Variants in GPHN observed in about 807,000 individuals in gnomAD.
GPHN encodes the protein gephyrin.
Under a neutral mutation model 95.5 loss-of-function variants are expected in GPHN, and 17 were observed. The observed-to-expected ratio is 0.18, with a 90% confidence interval of 0.12 to 0.27. GPHN has a LOEUF of 0.27. Ranked by LOEUF, GPHN falls within the 10% of genes least tolerant of loss-of-function variation. The probability of loss-of-function intolerance (pLI) is 1.00; values close to 1 mark genes in which losing one functional copy is unlikely to be tolerated. For synonymous variants in GPHN, 320 were observed against 322.5 expected (o/e 0.99, Z 0.08); for missense variants, 660 against 978.1 (o/e 0.67, Z 4.34).
chr14:66,547,962 T>C (rs2059661252), intron 1 of GPHN, among the ~76,000 whole-genome samples: 1 of 152,206 alleles, frequency 6.6e-6, no homozygotes, highest in Non-Finnish European at 1.5e-5. Flanking sequence ...ATACTTTGTT[T>C]TAGTTCACCT....
chr14:66,629,114 T>C (rs1335308897), intron 1 of GPHN, among the ~76,000 whole-genome samples: 4 of 136,854 alleles, frequency 2.9e-5, no homozygotes, highest in Non-Finnish European at 4.7e-5. Flanking sequence ...TTTATATACA[T>C]ATATAAATAT....
chr14:67,596,892 T>C, the GPHN span, among the ~76,000 whole-genome samples: 1 of 152,240 alleles, frequency 6.6e-6, no homozygotes, highest in Non-Finnish European at 1.5e-5. Context: ...AAGTCTATAC[T>C]GAAGTCTCTT....
intron 9 of GPHN, among the ~76,000 whole-genome samples, chr14:67,017,697 A>G (rs577668530): frequency 2.0e-3 from 298 of 152,204 alleles, no homozygotes; most frequent in African/African-American, 6.7e-3. Context: ...GAAAACTTTT[A>G]TTGGACTCCA....
At chr14:67,050,709 A>G (rs1051315203) in intron 10 of GPHN, among the ~76,000 whole-genome samples, 2 of 152,182 alleles carry the variant, frequency 1.3e-5, no homozygotes, top group Admixed American at 1.3e-4. Flanking sequence ...AAAAACAGCT[A>G]CGGTTGGAGG....
At chr14:67,338,741 C>T in the GPHN span, 1 of 1,612,834 alleles carries the variant, frequency 6.2e-7, no homozygotes, top group Non-Finnish European at 8.5e-7. Flanking sequence ...GAATCTTTTT[C>T]TTCTCTTGTA....
the GPHN span, among the ~76,000 whole-genome samples, chr14:67,336,901 T>C: frequency 6.6e-6 from 1 of 152,228 alleles, no homozygotes; most frequent in Non-Finnish European, 1.5e-5. Flanking sequence ...ACAGTCCCAA[T>C]GTCTTTAAAT....
the GPHN span, among the ~76,000 whole-genome samples, chr14:67,429,220 C>T: frequency 6.0e-5 from 9 of 149,552 alleles, no homozygotes; most frequent in Non-Finnish European, 1.3e-4. Context: ...GAGGCTGAGG[C>T]AAGTGGACAA....
At chr14:67,350,691 C>G in the GPHN span, 1 of 1,612,968 alleles carries the variant, frequency 6.2e-7, no homozygotes, top group South Asian at 1.1e-5. Context: ...ACATTTTAGT[C>G]TGGAAAAGCA....
intron 1 of GPHN, among the ~76,000 whole-genome samples, chr14:66,593,719 T>C (rs2061856825): frequency 6.6e-6 from 1 of 152,188 alleles, no homozygotes. Context: ...GTGAGTATTA[T>C]GCTCAGCACT....
At chr14:67,471,297 CT>C in the GPHN span, 5,422 of 152,340 alleles carry the variant, frequency 0.036, 101 homozygotes, top group Middle Eastern at 0.058. Context: ...CATCAACAAG[CT>C]GGCCACTGGA....
the GPHN span, chr14:67,278,892 A>G: frequency 9.5e-6 from 2 of 210,560 alleles, no homozygotes; most frequent in Non-Finnish European, 9.4e-6. Context: ...TACTTAATCT[A>G]CTTAACAAAA....
intron 4 of GPHN, among the ~76,000 whole-genome samples, chr14:66,829,464 C>T (rs1368058265): frequency 1.3e-5 from 2 of 151,970 alleles, no homozygotes; most frequent in Non-Finnish European, 1.5e-5. Context: ...TTATAAAGTT[C>T]CACAGATTAT....
intron 17 of GPHN, among the ~76,000 whole-genome samples, chr14:67,133,907 G>A (rs551070937): frequency 1.6e-4 from 25 of 152,234 alleles, no homozygotes; most frequent in African/African-American, 5.3e-4. Context: ...AAAAGATACC[G>A]TTATTCATTT....
At chr14:66,641,412 G>GTTAT (rs2064403293) in intron 1 of GPHN, among the ~76,000 whole-genome samples, 1 of 152,104 alleles carries the variant, frequency 6.6e-6, no homozygotes, top group Non-Finnish European at 1.5e-5. Flanking sequence ...GGTTTCTCAG[G>GTTAT]ATATAGCCTC....
At chr14:67,292,083 A>AC in the GPHN span, among the ~76,000 whole-genome samples, 1 of 152,208 alleles carries the variant, frequency 6.6e-6, no homozygotes. Flanking sequence ...ATTATGGTTT[A>AC]GCCATGTAAT....
At chr14:66,715,016 G>A (rs886246740) in intron 2 of GPHN, among the ~76,000 whole-genome samples, 1 of 152,004 alleles carries the variant, frequency 6.6e-6, no homozygotes, top group African/African-American at 2.4e-5. Context: ...TTGGTTCCCG[G>A]TTTCTCTATC....
the GPHN span, among the ~76,000 whole-genome samples, chr14:67,391,375 C>A: frequency 6.6e-6 from 1 of 151,490 alleles, no homozygotes. Context: ...TAGTCAGGAA[C>A]ACCCTCAGAG....
intron 1 of GPHN, among the ~76,000 whole-genome samples, chr14:66,628,592 A>G (rs2063610157): frequency 6.6e-6 from 1 of 152,164 alleles, no homozygotes; most frequent in Admixed American, 6.5e-5. Flanking sequence ...ACTTTACCAT[A>G]CACCACTGTA....
chr14:67,393,140 A>T, the GPHN span: 2 of 1,591,532 alleles, frequency 1.3e-6, no homozygotes, highest in Non-Finnish European at 1.7e-6. Context: ...GCCCTGGGGG[A>T]CAGGCTCACC....
Sources: gnomAD v4.1 joint callset for allele counts (sites outside exome capture counted in the v4.1 genomes callset) on GRCh38, gnomAD v4.1.1 for gene constraint, MANE v1.5 for transcripts, NCBI Gene and HGNC (gene_info 2026-07-23, HGNC 2026-07-21) for gene names.